The following FRMD4A variants were observed in gnomAD, a reference collection of about 807,000 sequenced individuals.
The protein encoded by FRMD4A is FERM domain-containing protein 4A.
Under a neutral mutation model 129.1 loss-of-function variants are expected in FRMD4A, and 29 were observed. The observed-to-expected ratio is 0.22, with a 90% confidence interval of 0.17 to 0.31. The LOEUF is 0.31. Ranked by LOEUF, FRMD4A falls within the 10% of genes least tolerant of loss-of-function variation. FRMD4A has a pLI of 1.00. For synonymous variants in FRMD4A, 634 were observed against 571.6 expected, an observed-to-expected ratio of 1.11 and a Z score of -1.56; for missense variants, 1,272 against 1,375.8, an observed-to-expected ratio of 0.92 and a Z score of 1.19.
intron 3 of FRMD4A, among the ~76,000 whole-genome samples, chr10:13,829,716 T>A (rs986386091): frequency 9.2e-5 from 14 of 152,168 alleles, no homozygotes; most frequent in African/African-American, 3.4e-4. Context: ...GCAGCCTAGG[T>A]CCATCACCTT....
At chr10:14,249,216 G>T (rs1844348398) in intron 2 of FRMD4A, among the ~76,000 whole-genome samples, 1 of 152,066 alleles carries the variant, frequency 6.6e-6, no homozygotes, top group Non-Finnish European at 1.5e-5. Context: ...GCCAGGTGTG[G>T]TGGTGGGCAC....
chr10:14,293,599 G>C (rs1589274561), intron 2 of FRMD4A, among the ~76,000 whole-genome samples: 1 of 148,872 alleles, frequency 6.7e-6, no homozygotes, highest in East Asian at 2.0e-4. Context: ...ACTGGCAATT[G>C]TAAGTTTTGA....
At chr10:13,957,279 G>GTT (rs2095415174) in intron 2 of FRMD4A, among the ~76,000 whole-genome samples, 1 of 152,178 alleles carries the variant, frequency 6.6e-6, no homozygotes, top group African/African-American at 2.4e-5. Context: ...GTGAGACAGA[G>GTT]TTTCGCTCTT....
chr10:14,152,274 C>T (rs1046541730), intron 2 of FRMD4A, among the ~76,000 whole-genome samples: 4 of 151,702 alleles, frequency 2.6e-5, no homozygotes, highest in African/African-American at 7.3e-5. Flanking sequence ...ACTACAGACA[C>T]CCGCCACCAC....
chr10:13,929,021 G>C (rs961622842), intron 2 of FRMD4A, among the ~76,000 whole-genome samples: 1 of 152,196 alleles, frequency 6.6e-6, no homozygotes, highest in Non-Finnish European at 1.5e-5. Flanking sequence ...GGACACGCTT[G>C]GCACCCTTTT....
intron 2 of FRMD4A, among the ~76,000 whole-genome samples, chr10:14,159,396 G>C (rs191423947): frequency 3.9e-5 from 6 of 151,956 alleles, no homozygotes; most frequent in African/African-American, 7.3e-5. Flanking sequence ...AAAATACTGA[G>C]GAAGAAATTT....
intron 2 of FRMD4A, among the ~76,000 whole-genome samples, chr10:13,978,762 G>A (rs767087506): frequency 2.0e-5 from 3 of 152,136 alleles, no homozygotes; most frequent in Admixed American, 6.5e-5. Flanking sequence ...TCATCTTGGG[G>A]ACTGGAGAAT....
intron 2 of FRMD4A, among the ~76,000 whole-genome samples, chr10:14,040,629 A>G (rs908797660): frequency 6.6e-6 from 1 of 152,212 alleles, no homozygotes; most frequent in South Asian, 2.1e-4. Flanking sequence ...AAGGCCATGC[A>G]TGGTGCCTGC....
At chr10:13,877,357 T>C (rs1387930678) in intron 2 of FRMD4A, among the ~76,000 whole-genome samples, 1 of 152,110 alleles carries the variant, frequency 6.6e-6, no homozygotes, top group Non-Finnish European at 1.5e-5. Context: ...TCCTGCCACG[T>C]TTAGCAGGAA....
chr10:14,084,532 AC>A (rs1457713973), intron 2 of FRMD4A, among the ~76,000 whole-genome samples: 2 of 152,208 alleles, frequency 1.3e-5, no homozygotes, highest in Non-Finnish European at 2.9e-5. Flanking sequence ...CTCAGGTCTT[AC>A]AGACTGGAGG....
chr10:13,696,816 C>T (rs186228494), intron 14 of FRMD4A, among the ~76,000 whole-genome samples: 2 of 152,294 alleles, frequency 1.3e-5, no homozygotes, highest in South Asian at 2.1e-4. Flanking sequence ...TGACCCTTCA[C>T]CTTCCTGATT....
At chr10:13,766,747 C>T (rs998308193) in intron 6 of FRMD4A, among the ~76,000 whole-genome samples, 6 of 152,094 alleles carry the variant, frequency 3.9e-5, no homozygotes, top group African/African-American at 7.2e-5. Flanking sequence ...TCTAGACTTC[C>T]GGCTTACTCT....
chr10:13,884,210 A>ACACACACTCTCACACACACACT (rs2094590006), intron 2 of FRMD4A, among the ~76,000 whole-genome samples: 18 of 80,756 alleles, frequency 2.2e-4, no homozygotes, highest in Middle Eastern at 6.7e-3. Context: ...ACACACACTC[A>ACACACACTCTCACACACACACT]CACACACACA....
chr10:14,130,359 CA>C (rs1487814712), intron 2 of FRMD4A, among the ~76,000 whole-genome samples: 1 of 152,142 alleles, frequency 6.6e-6, no homozygotes, highest in Non-Finnish European at 1.5e-5. Context: ...CTCCTGGGCT[CA>C]AGTGATCCTC....
intron 6 of FRMD4A, among the ~76,000 whole-genome samples, chr10:13,771,027 A>C (rs922714410): frequency 6.6e-6 from 1 of 152,188 alleles, no homozygotes; most frequent in African/African-American, 2.4e-5. Flanking sequence ...TATCAACAAG[A>C]GTGATAGCAT....
At chr10:13,812,618 G>A (rs10906496) in intron 3 of FRMD4A, among the ~76,000 whole-genome samples, 56,845 of 152,128 alleles carry the variant, frequency 0.37, 10,767 homozygotes, top group Middle Eastern at 0.46. Flanking sequence ...AGCTAGCGCT[G>A]AGTTTAAAAA....
chr10:13,793,331 C>A (rs1037558495), intron 5 of FRMD4A, among the ~76,000 whole-genome samples: 16 of 152,088 alleles, frequency 1.1e-4, no homozygotes, highest in African/African-American at 3.6e-4. Context: ...ACCATCATTC[C>A]TAGCTAATTT....
intron 6 of FRMD4A, among the ~76,000 whole-genome samples, chr10:13,772,116 C>CA (rs1314435587): frequency 7.3e-6 from 1 of 136,836 alleles, no homozygotes; most frequent in African/African-American, 2.7e-5. Context: ...GACTCCGCCT[C>CA]AAAAAAATAT....
At chr10:13,659,907 G>A (rs562318362) in intron 20 of FRMD4A, among the ~76,000 whole-genome samples, 1 of 152,278 alleles carries the variant, frequency 6.6e-6, no homozygotes, top group South Asian at 2.1e-4. Context: ...GTAATGAGCT[G>A]ATAATACACA....
Sources: allele counts gnomAD v4.1 joint callset (sites outside exome capture counted in the v4.1 genomes callset), GRCh38; gene constraint gnomAD v4.1.1; transcripts MANE v1.5; gene names NCBI Gene and HGNC (gene_info 2026-07-23, HGNC 2026-07-21).